The following TRIO variants were observed in gnomAD, a reference collection of about 807,000 sequenced individuals.
TRIO encodes the protein triple functional domain protein.
In TRIO, 58 loss-of-function variants were observed where a neutral mutation model predicts 351.9. That is an observed-to-expected ratio of 0.16 (90% CI 0.13 to 0.21). The LOEUF (loss-of-function observed/expected upper bound fraction) is 0.21. Among genes scored for constraint, TRIO ranks in the 10% least tolerant of loss-of-function variants. The pLI is 1.00. For missense variants in TRIO, 3,201 were observed against 4,027.8 expected (o/e 0.79, Z 5.56); for synonymous variants, 1,758 against 1,595.7 (o/e 1.10, Z -2.42).
intron 28 of TRIO, among the ~76,000 whole-genome samples, chr5:14,394,663 AC>A (rs1747408681): frequency 6.6e-6 from 1 of 151,688 alleles, no homozygotes. Flanking sequence ...CTGATGTCAC[AC>A]CCCTCGCGGC....
At chr5:14,147,330 C>T (rs1322089473) in intron 1 of TRIO, among the ~76,000 whole-genome samples, 3 of 152,132 alleles carry the variant, frequency 2.0e-5, no homozygotes, top group African/African-American at 4.8e-5. Context: ...ATAGCCAGGA[C>T]GTTGCTTACA....
At chr5:14,480,635 T>A (rs1041980146) in intron 43 of TRIO, among the ~76,000 whole-genome samples, 46 of 152,358 alleles carry the variant, frequency 3.0e-4, no homozygotes, top group African/African-American at 1.1e-3. Flanking sequence ...TATTCCTTCG[T>A]GTACAACGCC....
At chr5:14,432,412 C>T (rs26187) in intron 34 of TRIO, among the ~76,000 whole-genome samples, 42,273 of 152,166 alleles carry the variant, frequency 0.28, 6,680 homozygotes, top group Middle Eastern at 0.47. Flanking sequence ...GGCCAGACAT[C>T]GTTTATGGAA....
intron 3 of TRIO, among the ~76,000 whole-genome samples, chr5:14,280,893 G>A (rs1427705399): frequency 2.0e-5 from 3 of 152,200 alleles, no homozygotes; most frequent in Non-Finnish European, 4.4e-5. Flanking sequence ...TATATTGGGC[G>A]TAGATTTGGG....
At chr5:14,253,650 G>A (rs1332835400) in intron 1 of TRIO, among the ~76,000 whole-genome samples, 1 of 152,190 alleles carries the variant, frequency 6.6e-6, no homozygotes, top group Non-Finnish European at 1.5e-5. Context: ...GCCAGTGCTG[G>A]GATTCTTGAT....
chr5:14,501,000 TCA>T lies in TRIO; in HGVS notation c.8333-1576_8333-1575del, dbSNP rs1347065521. 2.6e-5 allele frequency among the ~76,000 whole-genome samples: 4 copies of T among 151,072 alleles called. No individual in the cohort carries two copies. The East Asian group carries it at 7.8e-4, about 29-fold the overall frequency. On this transcript the variant is annotated intron_variant, in intron 53 of 56. Coordinates refer to ENST00000344204, the MANE Select transcript of TRIO (RefSeq NM_007118.4). ...CTCTGTCTCTGGGTCTGGTTGGTGGTCACAGAGTCGCCATTTATGTTTGGTCC... is the reference window on the plus strand; with the variant it reads ...CTCTGTCTCTGGGTCTGGTTGGTGGTCAGAGTCGCCATTTATGTTTGGTCC...
rs1422150009 is a variant in TRIO, at chr5:14,507,195, C to A, written c.8686C>A (p.Leu2896Met). The A allele has an allele frequency of 1.9e-6, 3 of 1,612,184 alleles. No individual in the cohort carries two copies. In the Admixed American group the frequency reaches 5.0e-5, roughly 27 times the overall value. Residue 2896 changes from leucine to methionine, a missense_variant, in exon 56 of 57, where the codon CTG becomes ATG. Transcript: ENST00000344204. Reference sequence around the variant, plus strand: ...CACTGAAGGGAAGATCAGGGCGCACCTGGGGGAGGTTCTGGAAGCTGTCCG... The same window carrying A: ...CACTGAAGGGAAGATCAGGGCGCACATGGGGGAGGTTCTGGAAGCTGTCCG... ...SLTEGKIRAH[L>M]GEVLEAVRYL...
At chr5:14,190,171 A>C (rs1790371676) in intron 1 of TRIO, among the ~76,000 whole-genome samples, 1 of 152,084 alleles carries the variant, frequency 6.6e-6, no homozygotes, top group Non-Finnish European at 1.5e-5. Flanking sequence ...ATAGAGGGAG[A>C]GAAATCTATT....
chr5:14,290,873 G>C lies in TRIO; in HGVS notation c.698G>C (p.Arg233Pro), dbSNP rs756570638. 6.2e-7 allele frequency: 1 copy of C among 1,614,074 alleles called. No individual in the cohort carries two copies. The highest frequency in any genetic ancestry group is 1.7e-5 in the Admixed American group (1 of 60,014). ...YISNATHMLS[R>P]LEELQDILAK... is the part of the protein sequence containing the mutation. ...AGCAATGCCACCCACATGCTGTCTC[G>C]GCTGGAGGAACTTCAGGACATCCTA... Residue 233 changes from arginine (R) to proline (P), a missense_variant, in exon 5 of 57, where the codon CGG becomes CCG. Around this residue, in one of 19 missense-constraint regions of TRIO, gnomAD observed 349 missense variants for 449.3 expected, o/e 0.78. Coordinates refer to ENST00000344204, the MANE Select transcript of TRIO (RefSeq NM_007118.4).
chr5:14,508,230 C>A lies in TRIO; in HGVS notation c.9102C>A (p.Asp3034Glu), dbSNP rs1216528816. 4 of 1,613,968 alleles carry A rather than the reference C, an allele frequency of 2.5e-6. No homozygotes were observed. Among genetic ancestry groups the A allele is most frequent in the Non-Finnish European group, 3.4e-6 (4 of 1,180,052 alleles). Residue 3034 changes from aspartate (D) to glutamate (E), a missense_variant, in exon 57 of 57, where the codon GAC (aspartate) becomes GAA (glutamate). Around this residue, in one of 19 missense-constraint regions of TRIO, gnomAD observed 233 missense variants for 292.6 expected, o/e 0.80. Coordinates refer to ENST00000344204, the MANE Select transcript of TRIO (RefSeq NM_007118.4). ...TCGTGTGCTTCCTCCTGCAGGAGGACCCCGCCAAGCGTCCCTCGGCTGCGC... is the reference window on the plus strand; with the variant it reads ...TCGTGTGCTTCCTCCTGCAGGAGGAACCCGCCAAGCGTCCCTCGGCTGCGC... ...KEFVCFLLQEDPAKRPSAALA... is the reference protein window; with the variant it reads ...KEFVCFLLQEEPAKRPSAALA...
chr5:14,450,175 A>G (rs948717789), intron 34 of TRIO, among the ~76,000 whole-genome samples: 12 of 152,162 alleles, frequency 7.9e-5, no homozygotes, highest in African/African-American at 2.9e-4. Context: ...GGCCGGCCTC[A>G]TATCTCTAGG....
chr5:14,372,215 G>C (rs1005396009), intron 18 of TRIO, among the ~76,000 whole-genome samples: 6 of 139,086 alleles, frequency 4.3e-5, no homozygotes, highest in South Asian at 5.3e-4. Context: ...AAAGGCGGAG[G>C]GGGGGCGATG....
At chr5:14,409,306 G>C (rs1194177587) in intron 33 of TRIO, among the ~76,000 whole-genome samples, 1 of 147,128 alleles carries the variant, frequency 6.8e-6, no homozygotes, top group Non-Finnish European at 1.5e-5. Flanking sequence ...CGTGAACTGG[G>C]AATACAGCAA....
At chr5:14,353,469 G>A (rs896119981) in intron 11 of TRIO, among the ~76,000 whole-genome samples, 1 of 151,810 alleles carries the variant, frequency 6.6e-6, no homozygotes, top group African/African-American at 2.4e-5. Flanking sequence ...TCACTATATT[G>A]GCCAGGCTGG....
At chr5:14,328,267 C>T (rs1740579227) in intron 9 of TRIO, among the ~76,000 whole-genome samples, 1 of 152,186 alleles carries the variant, frequency 6.6e-6, no homozygotes, top group African/African-American at 2.4e-5. Flanking sequence ...TAAAACAATG[C>T]ACTACTTAAA....
chr5:14,349,409 T>C (rs897545920), intron 11 of TRIO, among the ~76,000 whole-genome samples: 1 of 152,274 alleles, frequency 6.6e-6, no homozygotes, highest in Non-Finnish European at 1.5e-5. Context: ...TCCATATCTC[T>C]TTCCTTGCTC....
chr5:14,387,234 A>G (rs1274618356), intron 21 of TRIO: 1 of 492,608 alleles, frequency 2.0e-6, no homozygotes, highest in East Asian at 2.9e-5. Flanking sequence ...TAAAAATGCC[A>G]TTCGTTGTAG....
chr5:14,357,959 C>T (rs1192831987), intron 11 of TRIO, among the ~76,000 whole-genome samples: 8 of 152,134 alleles, frequency 5.3e-5, no homozygotes, highest in South Asian at 2.1e-4. Flanking sequence ...CTCCCTGCGG[C>T]GGTGGCATGC....
Position 14,488,078 on chromosome 5 carries a change from T to A in TRIO, c.7450T>A (p.Ser2484Thr). The change falls in exon 48 of 57, where the codon TCC becomes ACC. Residue 2484 changes from serine (S) to threonine (T), a missense_variant. Physicochemically the swap from Ser to Thr is moderately conservative, Grantham distance 58. Around this residue, in one of 19 missense-constraint regions of TRIO, gnomAD observed 1,089 missense variants for 954.9 expected, o/e 1.14. Coordinates refer to ENST00000344204, the MANE Select transcript of TRIO (RefSeq NM_007118.4). ...PPSSPLQKGG[S>T]FWSSIPASPA... ...CAGCAGCCCCCTGCAGAAGGGGGGC[T>A]CCTTCTGGAGCTCCATCCCCGCCTC... is the stretch of plus-strand genomic sequence containing the variant. The A allele has an allele frequency of 1.2e-6, 2 of 1,608,898 alleles. No individual in the cohort carries two copies. Among genetic ancestry groups the A allele is most frequent in the Non-Finnish European group, 1.7e-6 (2 of 1,178,732 alleles).
Sources: allele counts gnomAD v4.1 joint callset (sites outside exome capture counted in the v4.1 genomes callset), GRCh38; gene constraint gnomAD v4.1.1; regional missense constraint gnomAD v4.1.1; transcripts MANE v1.5; gene names NCBI Gene and HGNC (gene_info 2026-07-23, HGNC 2026-07-21).